MSRA: variants seen among roughly 807,000 people sequenced by gnomAD.
MSRA encodes mitochondrial peptide methionine sulfoxide reductase.
A neutral mutation model predicts 31.3 loss-of-function variants in MSRA; 54 were observed. The ratio of observed to expected loss-of-function variants is 1.73; its 90% CI spans 1.39 to 2.17. The LOEUF (loss-of-function observed/expected upper bound fraction) is 2.17. Ranked by LOEUF, MSRA falls within the 30% of genes most tolerant of loss-of-function variation. MSRA has a pLI of 0.00. For missense variants in MSRA, 507 were observed against 300.9 expected (o/e 1.69, Z -5.07); for synonymous variants, 169 against 116.5 (o/e 1.45, Z -2.90).
chr8:10,427,231 C>G (rs149042625), intron 5 of MSRA, among the ~76,000 whole-genome samples: 2 of 152,110 alleles, frequency 1.3e-5, no homozygotes, highest in African/African-American at 4.8e-5. Flanking sequence ...CCTCTGTGGC[C>G]GTGTGCTCAC....
chr8:10,255,032 A>G (rs367762651), intron 3 of MSRA, among the ~76,000 whole-genome samples: 33 of 152,382 alleles, frequency 2.2e-4, no homozygotes, highest in African/African-American at 6.0e-4. Context: ...ACAGAAGTCT[A>G]TTAAAACAGT....
chr8:10,159,639 C>T (rs888342908), intron 1 of MSRA, among the ~76,000 whole-genome samples: 9 of 146,302 alleles, frequency 6.2e-5, no homozygotes, highest in African/African-American at 2.4e-4. Context: ...ACAAGGCTTT[C>T]TAGTAAAGTA....
Position 10,283,160 on chromosome 8 carries a change from A to ACACTCTCTCTCTCTCTCTCT in MSRA, c.332-18373_332-18372insACTCTCTCTCTCTCTCTCTC. On this transcript the variant is annotated intron_variant, in intron 3 of 5. Transcript: ENST00000317173. ...CACACACACACACACACACACACAC[A>ACACTCTCTCTCTCTCTCTCT]CTCTCACCCTTCTCTTTGCTGGGGA... Among the ~76,000 whole-genome samples the ACACTCTCTCTCTCTCTCTCT allele has an allele frequency of 6.9e-4, 97 of 140,300 alleles. 1 individual carries two copies. The highest frequency in any genetic ancestry group is 1.9e-3 in the African/African-American group (71 of 36,892). The allele number at this position is 140,300 out of a possible 152,430, so 92.0% of individuals were successfully genotyped here.
At chr8:10,420,435 A>G (rs1210488039) in intron 5 of MSRA, among the ~76,000 whole-genome samples, 1 of 152,212 alleles carries the variant, frequency 6.6e-6, no homozygotes, top group East Asian at 1.9e-4. Flanking sequence ...TGTATAACAA[A>G]CTACCCCAAA....
chr8:10,146,317 G>A (rs951813318), intron 1 of MSRA, among the ~76,000 whole-genome samples: 1 of 152,222 alleles, frequency 6.6e-6, no homozygotes, highest in African/African-American at 2.4e-5. Context: ...ACTTTGCAGT[G>A]TGGGTAGAAT....
chr8:10,141,109 C>T (rs1210732606), intron 1 of MSRA, among the ~76,000 whole-genome samples: 3 of 152,162 alleles, frequency 2.0e-5, no homozygotes, highest in Admixed American at 6.5e-5. Context: ...ACAAACCCTG[C>T]GCTCACCAAA....
intron 5 of MSRA, among the ~76,000 whole-genome samples, chr8:10,382,294 C>T (rs1372180554): frequency 6.6e-6 from 1 of 152,214 alleles, no homozygotes; most frequent in African/African-American, 2.4e-5. Flanking sequence ...GCCCTGCCCT[C>T]AGATACCCTC....
chr8:10,082,995 A>G (rs192892455), intron 1 of MSRA, among the ~76,000 whole-genome samples: 1 of 152,330 alleles, frequency 6.6e-6, no homozygotes, highest in African/African-American at 2.4e-5. Context: ...AATAACACAG[A>G]TGAGAATAAT....
chr8:10,264,844 C>T (rs1291657333), intron 3 of MSRA, among the ~76,000 whole-genome samples: 3 of 152,088 alleles, frequency 2.0e-5, no homozygotes, highest in African/African-American at 7.2e-5. Context: ...TTAGATAGTC[C>T]CACCTGCTGA....
intron 5 of MSRA, among the ~76,000 whole-genome samples, chr8:10,333,154 A>G (rs1427497936): frequency 6.6e-6 from 1 of 152,198 alleles, no homozygotes; most frequent in Admixed American, 6.6e-5. Flanking sequence ...ACATAGGGTG[A>G]TGTTTGAATG....
intron 2 of MSRA, among the ~76,000 whole-genome samples, chr8:10,224,260 G>T (rs1262172492): frequency 1.3e-5 from 2 of 152,098 alleles, no homozygotes; most frequent in East Asian, 3.9e-4. Flanking sequence ...TTTACAAAGG[G>T]CGTGAAGAAC....
chr8:10,331,226 C>G (rs1030907727), intron 5 of MSRA, among the ~76,000 whole-genome samples: 1 of 152,140 alleles, frequency 6.6e-6, no homozygotes, highest in Non-Finnish European at 1.5e-5. Context: ...TATGGCAGCC[C>G]GAGCTGACAA....
At chr8:10,218,611 T>G (rs1394332592) in intron 2 of MSRA, among the ~76,000 whole-genome samples, 1 of 152,216 alleles carries the variant, frequency 6.6e-6, no homozygotes, top group African/African-American at 2.4e-5. Context: ...ATGGTTACTG[T>G]GAGATCCAGT....
chr8:10,251,960 A>G (rs956919225), intron 3 of MSRA, among the ~76,000 whole-genome samples: 2 of 152,090 alleles, frequency 1.3e-5, no homozygotes, highest in Non-Finnish European at 2.9e-5. Flanking sequence ...CTGGGTGACC[A>G]TGGAACCCTC....
chr8:10,356,889 TAA>T (rs869099944), intron 5 of MSRA, among the ~76,000 whole-genome samples: 13 of 105,122 alleles, frequency 1.2e-4, no homozygotes, highest in Non-Finnish European at 1.2e-4. Flanking sequence ...CCTTGCCCAT[TAA>T]AAAAAAAAAA....
chr8:10,375,589 A>G (rs1805713853), intron 5 of MSRA, among the ~76,000 whole-genome samples: 1 of 152,118 alleles, frequency 6.6e-6, no homozygotes, highest in Admixed American at 6.5e-5. Flanking sequence ...CAAGGATTCG[A>G]GGGAGATGCT....
At chr8:10,118,397 T>C (rs970687053) in intron 1 of MSRA, among the ~76,000 whole-genome samples, 1 of 152,104 alleles carries the variant, frequency 6.6e-6, no homozygotes, top group African/African-American at 2.4e-5. Context: ...CCCCATGACA[T>C]AAATAAGCAC....
At chr8:10,270,577 G>T (rs1798979445) in intron 3 of MSRA, among the ~76,000 whole-genome samples, 1 of 152,222 alleles carries the variant, frequency 6.6e-6, no homozygotes, top group African/African-American at 2.4e-5. Flanking sequence ...GAGGTCACCA[G>T]GAGCCAGCAC....
At chr8:10,421,828 G>A (rs568898668) in intron 5 of MSRA, among the ~76,000 whole-genome samples, 25 of 152,194 alleles carry the variant, frequency 1.6e-4, no homozygotes, top group Non-Finnish European at 2.9e-4. Flanking sequence ...ATGCCTACCC[G>A]CCTTCCTGCC....
Sources: gnomAD v4.1 joint callset for allele counts (sites outside exome capture counted in the v4.1 genomes callset) on GRCh38, gnomAD v4.1.1 for gene constraint, MANE v1.5 for transcripts, NCBI Gene and HGNC (gene_info 2026-07-23, HGNC 2026-07-21) for gene names.